Variants in LRP1B observed in about 807,000 individuals in gnomAD.
The protein encoded by LRP1B is low-density lipoprotein receptor-related protein 1B.
A neutral mutation model predicts 556.6 loss-of-function variants in LRP1B; 217 were observed. That is an observed-to-expected ratio of 0.39 (90% CI 0.35 to 0.44). The LOEUF (loss-of-function observed/expected upper bound fraction) is 0.44. Ranked by LOEUF, LRP1B falls within the 20% of genes least tolerant of loss-of-function variation. LRP1B has a pLI of 1.00. For synonymous variants in LRP1B, 2,047 were observed against 1,865.8 expected (o/e 1.10, Z -2.50); for missense variants, 5,053 against 5,620.8 (o/e 0.90, Z 3.23).
At chr2:142,063,565 A>G (rs886705120) in intron 1 of LRP1B, among the ~76,000 whole-genome samples, 1 of 151,664 alleles carries the variant, frequency 6.6e-6, no homozygotes, top group Non-Finnish European at 1.5e-5. Context: ...AAGTTATAAC[A>G]GATCTTTTCT....
chr2:141,345,656 ATTTTTTTT>A (rs758109848), intron 3 of LRP1B, among the ~76,000 whole-genome samples: 1 of 131,072 alleles, frequency 7.6e-6, no homozygotes. Flanking sequence ...TACCTGGCTA[ATTTTTTTT>A]TTTTTTTTTT....
At chr2:140,835,892 G>C (rs931387206) in intron 31 of LRP1B, among the ~76,000 whole-genome samples, 1 of 152,106 alleles carries the variant, frequency 6.6e-6, no homozygotes, top group East Asian at 1.9e-4. Context: ...CCATGTGCAC[G>C]TTAATACAGT....
intron 15 of LRP1B, 25 bp from the exon 16 acceptor site, chr2:140,994,160 T>C (rs1365794988): frequency 1.9e-6 from 3 of 1,604,194 alleles, no homozygotes; most frequent in African/African-American, 2.7e-5. Context: ...ACCCAAGGTA[T>C]ATGAATAATG....
At chr2:142,013,593 TAAC>T (rs928646487) in intron 1 of LRP1B, among the ~76,000 whole-genome samples, 7 of 152,104 alleles carry the variant, frequency 4.6e-5, no homozygotes, top group Admixed American at 1.3e-4. Context: ...TTGCCCAGTA[TAAC>T]AACATGTAGC....
intron 66 of LRP1B, among the ~76,000 whole-genome samples, chr2:140,399,370 A>C (rs1204778287): frequency 6.6e-6 from 1 of 152,138 alleles, no homozygotes; most frequent in Non-Finnish European, 1.5e-5. Context: ...TTTTACACTG[A>C]ATCATTTCAA....
chr2:141,658,094 T>A (rs1226962403), intron 2 of LRP1B, among the ~76,000 whole-genome samples: 1 of 152,098 alleles, frequency 6.6e-6, no homozygotes, highest in African/African-American at 2.4e-5. Flanking sequence ...AGTCAAATTA[T>A]CTCATTTCAT....
At chr2:141,242,991 A>G (rs547402317) in intron 5 of LRP1B, among the ~76,000 whole-genome samples, 12 of 152,166 alleles carry the variant, frequency 7.9e-5, no homozygotes, top group Non-Finnish European at 1.6e-4. Context: ...AATAAAATCA[A>G]TTAAAAGAAA....
chr2:141,516,692 C>CTCTTTTTTTTTTTT (rs1559116115), intron 2 of LRP1B, among the ~76,000 whole-genome samples: 1 of 124,580 alleles, frequency 8.0e-6, no homozygotes, highest in Non-Finnish European at 1.7e-5. Context: ...CTCTCTCTCT[C>CTCTTTTTTTTTTTT]TTTTTTTTTT....
chr2:141,877,197 A>C (rs1291458139), intron 1 of LRP1B, among the ~76,000 whole-genome samples: 2 of 151,984 alleles, frequency 1.3e-5, no homozygotes, highest in African/African-American at 4.8e-5. Context: ...GTTAAACATT[A>C]GTTTTTTTTC....
In LRP1B at chr2:141,080,735, C is replaced by T. The variant is rs895308243; in HGVS notation, c.1014-18462G>A. Among the ~76,000 whole-genome samples, 18 of 152,292 alleles carry T rather than the reference C, an allele frequency of 1.2e-4. 1 individual carries two copies. Among genetic ancestry groups the T allele is most frequent in the Non-Finnish European group, 1.5e-4 (10 of 68,034 alleles). ...TCATTCTGAGGAAGCTACAGTAGTA[C>T]GCCCATATCCTTGATTTCACTTTTG... On this transcript the variant is annotated intron_variant, in intron 7 of 90. Coordinates refer to ENST00000389484, the MANE Select transcript of LRP1B (RefSeq NM_018557.3).
At chr2:140,947,259 A>T (rs1459374241) in intron 20 of LRP1B, among the ~76,000 whole-genome samples, 1 of 152,212 alleles carries the variant, frequency 6.6e-6, no homozygotes, top group East Asian at 1.9e-4. Context: ...TGAAACGAAG[A>T]TTATATATGG....
intron 7 of LRP1B, among the ~76,000 whole-genome samples, chr2:141,106,353 C>G (rs1157162293): frequency 1.3e-5 from 2 of 152,090 alleles, no homozygotes; most frequent in African/African-American, 4.8e-5. Flanking sequence ...AAGGAAAACA[C>G]CTAGGTGCTT....
At chr2:141,336,083 G>C (rs1323911303) in intron 3 of LRP1B, among the ~76,000 whole-genome samples, 1 of 132,924 alleles carries the variant, frequency 7.5e-6, no homozygotes, top group African/African-American at 3.1e-5. Context: ...TTTAAGTAAA[G>C]GAGTATATAA....
At chr2:140,876,292 G>T (rs1284594873) in intron 25 of LRP1B, among the ~76,000 whole-genome samples, 2 of 152,060 alleles carry the variant, frequency 1.3e-5, no homozygotes, top group African/African-American at 4.8e-5. Flanking sequence ...TAACAACTTG[G>T]TATATACTCC....
At chr2:140,501,992 A>G in intron 54 of LRP1B, 118 bp from the exon 55 acceptor site, 1 of 700,886 alleles carries the variant, frequency 1.4e-6, no homozygotes, top group Non-Finnish European at 2.2e-6. Flanking sequence ...ATATAAGTTT[A>G]TATAAAATCT....
intron 43 of LRP1B, among the ~76,000 whole-genome samples, chr2:140,584,308 A>G (rs1215010837): frequency 6.6e-6 from 1 of 152,014 alleles, no homozygotes; most frequent in African/African-American, 2.4e-5. Flanking sequence ...ATTTCACCAA[A>G]GGAAATATTT....
At position 141,454,213 on chromosome 2, in the gene LRP1B, C is replaced by T. The variant is rs577988822; in HGVS notation, c.343+26183G>A. ...TAAGTTAAGAGACTATAATTTTGTA[C>T]ACCACTTGGTCAATTTAAAATGACC... On this transcript the variant is annotated intron_variant, in intron 3 of 90. Coordinates refer to ENST00000389484, the MANE Select transcript of LRP1B (RefSeq NM_018557.3). Among the ~76,000 whole-genome samples, 10 of 152,282 alleles carry T rather than the reference C, an allele frequency of 6.6e-5. No homozygotes were observed. In the South Asian group the frequency reaches 2.1e-3, roughly 32 times the overall value.
chr2:141,839,365 G>A (rs1467946940), intron 1 of LRP1B, among the ~76,000 whole-genome samples: 1 of 152,080 alleles, frequency 6.6e-6, no homozygotes, highest in Admixed American at 6.6e-5. Context: ...CTTTTCATAT[G>A]TATATACACA....
chr2:140,545,383 T>C (rs886698045), intron 43 of LRP1B, among the ~76,000 whole-genome samples: 1 of 152,166 alleles, frequency 6.6e-6, no homozygotes, highest in Non-Finnish European at 1.5e-5. Flanking sequence ...AGAATGGTAT[T>C]GCCTAGCTTG....
Sources: gnomAD v4.1 joint callset for allele counts (sites outside exome capture counted in the v4.1 genomes callset) on GRCh38, gnomAD v4.1.1 for gene constraint, MANE v1.5 for transcripts, NCBI Gene and HGNC (gene_info 2026-07-23, HGNC 2026-07-21) for gene names.